IFT74: variants seen among roughly 807,000 people sequenced by gnomAD.
IFT74 encodes the protein intraflagellar transport protein 74 homolog.
IFT74 carries 92 observed loss-of-function variants against 96.7 expected under a neutral mutation model. The ratio of observed to expected loss-of-function variants is 0.95; its 90% CI spans 0.80 to 1.13. The LOEUF (loss-of-function observed/expected upper bound fraction) is 1.13. IFT74 is among the 50% of genes most tolerant of loss of function. The probability of loss-of-function intolerance (pLI) is 0.00; values close to 1 mark genes in which losing one functional copy is unlikely to be tolerated. For missense variants in IFT74, 811 were observed against 698.2 expected (o/e 1.16, Z -1.82); for synonymous variants, 223 against 213.2 (o/e 1.05, Z -0.40).
intron 8 of IFT74, 103 bp from the exon 9 acceptor site, chr9:27,008,917 T>A: frequency 1.2e-6 from 1 of 855,494 alleles, no homozygotes; most frequent in South Asian, 2.2e-5. Context: ...TGTGGTTGAA[T>A]GTCTTTAAGT....
At chr9:27,006,665 G>A (rs1828796444) in intron 8 of IFT74, among the ~76,000 whole-genome samples, 1 of 146,442 alleles carries the variant, frequency 6.8e-6, no homozygotes, top group South Asian at 2.3e-4. Flanking sequence ...AGGGGGAGGG[G>A]AAGGAGGAGG....
Position 26,984,055 on chromosome 9 carries a change from A to T in IFT74, c.306-202A>T, listed in dbSNP as rs1587286159. On this transcript the variant is annotated intron_variant, in intron 4 of 19. Coordinates refer to ENST00000380062, the MANE Select transcript of IFT74 (RefSeq NM_025103.4). ...TGCCTCGGCCTCCCAAAGTGTTGGG[A>T]TTACAGGCTTGACCCACCGCACCCA... 1.7e-5 allele frequency: 6 copies of T among 358,632 alleles called. No homozygotes were observed. In the East Asian group the frequency reaches 4.3e-4, roughly 26 times the overall value. 22.2% of individuals were successfully genotyped at this position (358,632 alleles called of 1,614,324 possible).
At chr9:26,996,935 G>C (rs564394585) in intron 8 of IFT74, among the ~76,000 whole-genome samples, 1 of 152,174 alleles carries the variant, frequency 6.6e-6, no homozygotes, top group Non-Finnish European at 1.5e-5. Flanking sequence ...TTCTGGCCGG[G>C]CGCAGAGGCT....
intron 2 of IFT74, among the ~76,000 whole-genome samples, chr9:26,967,207 A>G (rs2131496422): frequency 6.6e-6 from 1 of 152,154 alleles, no homozygotes; most frequent in Non-Finnish European, 1.5e-5. Flanking sequence ...TATTTTGACA[A>G]TGTTGATTCT....
chr9:27,024,042 A>G (rs1466355904), intron 12 of IFT74, among the ~76,000 whole-genome samples: 1 of 152,154 alleles, frequency 6.6e-6, no homozygotes, highest in Non-Finnish European at 1.5e-5. Context: ...GCCACCTCCT[A>G]GCTGGAGGCC....
At chr9:26,997,143 C>T (rs1004696972) in intron 8 of IFT74, among the ~76,000 whole-genome samples, 42 of 150,720 alleles carry the variant, frequency 2.8e-4, no homozygotes, top group African/African-American at 9.7e-4. Flanking sequence ...ACCTGGGAGG[C>T]GGAGGTTGTG....
At chr9:26,962,180 G>A in intron 2 of IFT74, 93 bp downstream of exon 2, 1 of 1,222,460 alleles carries the variant, frequency 8.2e-7, no homozygotes, top group Non-Finnish European at 1.2e-6. Context: ...CTCTGATCAT[G>A]CCACTGCACC....
chr9:26,962,926 A>ATTTTTTTTTTTTTTTTTTTTTTTTTT (rs370313745), intron 2 of IFT74, among the ~76,000 whole-genome samples: 1 of 136,536 alleles, frequency 7.3e-6, no homozygotes. Flanking sequence ...AACTTTACTA[A>ATTTTTTTTTTTTTTTTTTTTTTTTTT]TTTTTTTTTT....
intron 12 of IFT74, among the ~76,000 whole-genome samples, chr9:27,024,064 A>G (rs952699147): frequency 6.6e-6 from 1 of 152,148 alleles, no homozygotes; most frequent in Non-Finnish European, 1.5e-5. Flanking sequence ...ACCAACACAA[A>G]CCATTACAGC....
At chr9:26,988,803 A>G in intron 7 of IFT74, 75 bp downstream of exon 7, 1 of 1,296,268 alleles carries the variant, frequency 7.7e-7, no homozygotes, top group South Asian at 1.5e-5. Context: ...ATCTAGAAAT[A>G]GTTTGATAAA....
chr9:27,046,910 C>T (rs1231550111), intron 14 of IFT74, among the ~76,000 whole-genome samples: 3 of 152,150 alleles, frequency 2.0e-5, no homozygotes, highest in Non-Finnish European at 4.4e-5. Context: ...TGCCGTGGCT[C>T]AAGCTTATAA....
intron 12 of IFT74, among the ~76,000 whole-genome samples, chr9:27,026,754 T>C (rs1294842300): frequency 6.6e-6 from 1 of 152,126 alleles, no homozygotes; most frequent in East Asian, 1.9e-4. Context: ...AAGATGGAAA[T>C]TTAAAAATTC....
intron 13 of IFT74, among the ~76,000 whole-genome samples, chr9:27,042,664 T>G (rs1014557113): frequency 3.9e-5 from 6 of 152,180 alleles, no homozygotes; most frequent in Non-Finnish European, 7.3e-5. Flanking sequence ...AAGATGATAG[T>G]TAAATCCTTG....
chr9:27,060,801 T>TA, intron 19 of IFT74, 150 bp downstream of exon 19: 5 of 465,264 alleles, frequency 1.1e-5, no homozygotes, highest in Non-Finnish European at 1.9e-5. Context: ...TACTAAAAAA[T>TA]ACAAAAAAAA....
rs1307700486 is a variant in IFT74 at position 27,012,710 on chromosome 9, T to TTTTG, written c.789+745_789+746insGTTT. On this transcript the variant is annotated intron_variant, in intron 10 of 19. Coordinates refer to ENST00000380062, the MANE Select transcript of IFT74 (RefSeq NM_025103.4). Reference sequence around the variant, plus strand: ...ACAAGAGGAAAGTAAAAATGTCTGTTTTTTTTTTTTTTTTTTTTTTTTTTT... The same window carrying TTTTG: ...ACAAGAGGAAAGTAAAAATGTCTGTTTTTGTTTTTTTTTTTTTTTTTTTTTTTTT... Among the ~76,000 whole-genome samples the TTTTG allele has an allele frequency of 3.3e-3, 143 of 42,880 alleles. 6 individuals are homozygous for TTTTG. The highest frequency in any genetic ancestry group is 0.014 in the African/African-American group (120 of 8,708). 28.1% of individuals were successfully genotyped at this position (42,880 alleles called of 152,430 possible). A position where few individuals can be genotyped will look rare whatever the true frequency, so the allele number is the denominator to read the frequency against.
intron 18 of IFT74, among the ~76,000 whole-genome samples, chr9:27,056,858 GGATAGATA>G (rs56131867): frequency 0.064 from 9,193 of 144,616 alleles, 307 homozygotes; most frequent in South Asian, 0.097. Context: ...TTTAGTCAAT[GGATAGATA>G]GATAGATAGA....
At position 27,024,462 on chromosome 9, in the gene IFT74, G is replaced by A. The variant is rs1227865384; in HGVS notation, c.975-4563G>A. ...TCAGGAAGCCCCATCTCTAGGGAAA[G>A]GGAGAGAGCACCACATCAAGGGATC... On this transcript the variant is annotated intron_variant, in intron 12 of 19. Transcript: ENST00000380062. Among the ~76,000 whole-genome samples, 3 of 152,190 alleles carry A rather than the reference G, an allele frequency of 2.0e-5. No individual in the cohort carries two copies. In the East Asian group the frequency reaches 5.8e-4, roughly 29 times the overall value.
At chr9:26,965,402 A>C (rs1826564741) in intron 2 of IFT74, among the ~76,000 whole-genome samples, 1 of 152,104 alleles carries the variant, frequency 6.6e-6, no homozygotes. Context: ...TAATTTTGTT[A>C]AAGTCAGATT....
At chr9:27,005,323 A>G (rs1055156079) in intron 8 of IFT74, among the ~76,000 whole-genome samples, 1 of 129,412 alleles carries the variant, frequency 7.7e-6, no homozygotes, top group African/African-American at 2.8e-5. Flanking sequence ...AAAAATTCTT[A>G]TAAATTTGAT....
Sources: allele counts gnomAD v4.1 joint callset (sites outside exome capture counted in the v4.1 genomes callset), GRCh38; gene constraint gnomAD v4.1.1; transcripts MANE v1.5; gene names NCBI Gene and HGNC (gene_info 2026-07-23, HGNC 2026-07-21).